ELP4: variants seen among roughly 807,000 people sequenced by gnomAD.
The protein encoded by ELP4 is elongator acetyltransferase complex subunit 4, also known as elongator complex protein 4.
In ELP4, 51 loss-of-function variants were observed where a neutral mutation model predicts 48.9. The observed-to-expected ratio is 1.04, with a 90% CI of 0.83 to 1.32. The LOEUF (loss-of-function observed/expected upper bound fraction) is 1.32, where lower values mean the gene tolerates loss of function less well. Ranked by LOEUF, ELP4 falls within the 40% of genes most tolerant of loss-of-function variation. The probability of loss-of-function intolerance (pLI) is 0.00; values close to 1 mark genes in which losing one functional copy is unlikely to be tolerated. For synonymous variants in ELP4, 210 were observed against 189.2 expected, an observed-to-expected ratio of 1.11 and a Z score of -0.90; for missense variants, 519 against 514.6, an observed-to-expected ratio of 1.01 and a Z score of -0.08.
intron 5 of ELP4, among the ~76,000 whole-genome samples, chr11:31,624,452 T>A (rs1944697531): frequency 6.6e-6 from 1 of 151,500 alleles, no homozygotes; most frequent in Admixed American, 6.6e-5. Flanking sequence ...TAAAAAGGGG[T>A]ACACCTGTAT....
Position 31,662,257 on chromosome 11 carries a change from TA to T in ELP4, c.1143+12037del, listed in dbSNP as rs1298128616. On this transcript the variant is annotated intron_variant, in intron 9 of 9. Transcript: ENST00000640961. ...TGGAAATGTGATGTAGTCTTAATAG[TA>T]CTATAAACATGAGCAATTTCTTTAG... Among the ~76,000 whole-genome samples, 4 of 152,126 alleles carry T rather than the reference TA, an allele frequency of 2.6e-5. No homozygotes were observed. The East Asian group carries it at 7.7e-4, about 29-fold the overall frequency.
chr11:31,683,414 C>T (rs1946096490), intron 9 of ELP4, among the ~76,000 whole-genome samples: 1 of 152,008 alleles, frequency 6.6e-6, no homozygotes, highest in East Asian at 1.9e-4. Flanking sequence ...ATTTAAAAGC[C>T]GTGTTAAAAC....
At chr11:31,625,960 T>C (rs1354118638) in intron 5 of ELP4, among the ~76,000 whole-genome samples, 5 of 151,880 alleles carry the variant, frequency 3.3e-5, no homozygotes, top group Non-Finnish European at 7.4e-5. Flanking sequence ...GTATGAGAAA[T>C]AGCCAAAGTA....
intron 9 of ELP4, among the ~76,000 whole-genome samples, chr11:31,756,756 T>C (rs1592285148): frequency 6.6e-6 from 1 of 152,258 alleles, no homozygotes; most frequent in South Asian, 2.1e-4. Flanking sequence ...TTTTCCCTGC[T>C]TTTCTCCTTC....
intron 9 of ELP4, among the ~76,000 whole-genome samples, chr11:31,732,341 T>G (rs976658181): frequency 1.3e-5 from 2 of 152,094 alleles, no homozygotes; most frequent in Non-Finnish European, 2.9e-5. Context: ...CACTTGAAGT[T>G]AAGTTGTTAT....
At chr11:31,662,882 G>C (rs775882672) in intron 9 of ELP4, 1 of 247,226 alleles carries the variant, frequency 4.0e-6, no homozygotes, top group Non-Finnish European at 7.7e-6. Flanking sequence ...GTGCTTCAAA[G>C]CCAGCTTCTC....
intron 2 of ELP4, among the ~76,000 whole-genome samples, chr11:31,529,332 A>G (rs1475258603): frequency 6.6e-6 from 1 of 152,064 alleles, no homozygotes; most frequent in African/African-American, 2.4e-5. Flanking sequence ...GGGGTCAGCC[A>G]CCTCCTGGCA....
intron 5 of ELP4, among the ~76,000 whole-genome samples, chr11:31,613,457 T>C (rs1261933314): frequency 1.3e-5 from 2 of 152,166 alleles, no homozygotes; most frequent in Non-Finnish European, 2.9e-5. Context: ...AAATACATAG[T>C]AATAATAATC....
chr11:31,622,906 A>G (rs1030220909), intron 5 of ELP4, among the ~76,000 whole-genome samples: 9 of 151,640 alleles, frequency 5.9e-5, no homozygotes, highest in African/African-American at 1.9e-4. Context: ...TACTTTTTTA[A>G]CTAAAGAAAA....
rs1948525103 is a variant in ELP4, at chr11:31,785,258, T to C, written c.*1734T>C. ...AAATTCAAATGAGTATTTTAGTCAG[T>C]TTATTATTTTAATAACTCTAACCTT... On this transcript the variant is annotated 3_prime_UTR_variant, in exon 10 of 10. Transcript: ENST00000640961. 5.5e-6 allele frequency: 1 copy of C among 182,784 alleles called. No homozygotes were observed. Among genetic ancestry groups the C allele is most frequent in the Admixed American group, 6.3e-5 (1 of 15,980 alleles). 11.3% of individuals were successfully genotyped at this position (182,784 alleles called of 1,614,324 possible). A position where few individuals can be genotyped will look rare whatever the true frequency, so the allele number is the denominator to read the frequency against.
At chr11:31,620,561 T>A (rs1944599447) in intron 5 of ELP4, among the ~76,000 whole-genome samples, 1 of 151,898 alleles carries the variant, frequency 6.6e-6, no homozygotes, top group Non-Finnish European at 1.5e-5. Flanking sequence ...GAGATAAGAT[T>A]GTTGGAAGAG....
intron 5 of ELP4, among the ~76,000 whole-genome samples, chr11:31,624,207 G>A (rs1194043516): frequency 4.0e-5 from 6 of 151,776 alleles, no homozygotes. Flanking sequence ...TGAACATTCA[G>A]TCATTTGACA....
chr11:31,789,763 T>A lies in ELP4; in HGVS notation c.*6239T>A. On this transcript the variant is annotated 3_prime_UTR_variant, in exon 10 of 10. Transcript: ENST00000640961. ...CGTGCCTTCTGTATACAAAGGTCCT[T>A]GTTTCAAGTCCATTCCTTCCCCAGT... 1.4e-6 allele frequency: 1 copy of A among 721,466 alleles called. No individual in the cohort carries two copies. Among genetic ancestry groups the A allele is most frequent in the Non-Finnish European group, 2.5e-6 (1 of 396,354 alleles). 44.7% of individuals were successfully genotyped at this position (721,466 alleles called of 1,614,324 possible). A position where few individuals can be genotyped will look rare whatever the true frequency, so the allele number is the denominator to read the frequency against.
At chr11:31,672,927 T>C (rs1945838614) in intron 9 of ELP4, among the ~76,000 whole-genome samples, 1 of 152,250 alleles carries the variant, frequency 6.6e-6, no homozygotes, top group African/African-American at 2.4e-5. Flanking sequence ...GTTGATGGTA[T>C]TCTAAGTTTA....
At chr11:31,510,100 AC>A (rs1359901132) in intron 1 of ELP4, 93 bp downstream of exon 1, 6 of 1,158,900 alleles carry the variant, frequency 5.2e-6, no homozygotes, top group Non-Finnish European at 6.2e-6. Context: ...TCTCTTTCTG[AC>A]CCCTAAACCT....
chr11:31,569,067 A>C (rs1957155542), intron 3 of ELP4, among the ~76,000 whole-genome samples: 1 of 151,914 alleles, frequency 6.6e-6, no homozygotes, highest in South Asian at 2.1e-4. Flanking sequence ...CCTGGGCGAC[A>C]GAGTGAGACC....
intron 5 of ELP4, among the ~76,000 whole-genome samples, chr11:31,610,731 T>C (rs1361602181): frequency 1.3e-5 from 2 of 152,202 alleles, no homozygotes; most frequent in Non-Finnish European, 2.9e-5. Flanking sequence ...TTAAAGGCCA[T>C]CAGGTACACA....
chr11:31,598,061 T>G (rs76898066), intron 4 of ELP4, among the ~76,000 whole-genome samples: 3,949 of 149,244 alleles, frequency 0.026, 160 homozygotes, highest in African/African-American at 0.091. Flanking sequence ...GTTCAAGCGA[T>G]TCTCCTGCCT....
chr11:31,668,360 C>G (rs1474533360), intron 9 of ELP4, among the ~76,000 whole-genome samples: 1 of 152,094 alleles, frequency 6.6e-6, no homozygotes, highest in Non-Finnish European at 1.5e-5. Flanking sequence ...TTATATTCCT[C>G]AGACTACTTT....
Sources: allele counts gnomAD v4.1 joint callset (sites outside exome capture counted in the v4.1 genomes callset), GRCh38; gene constraint gnomAD v4.1.1; transcripts MANE v1.5; gene names NCBI Gene and HGNC (gene_info 2026-07-23, HGNC 2026-07-21).